NRCAM: variants seen among roughly 807,000 people sequenced by gnomAD.
NRCAM encodes NgCAM-related cell adhesion molecule.
A neutral mutation model predicts 156.5 loss-of-function variants in NRCAM; 83 were observed. The observed-to-expected ratio is 0.53, with a 90% CI of 0.44 to 0.64. The LOEUF is 0.64. Among genes scored for constraint, NRCAM ranks in the 30% least tolerant of loss-of-function variants. The pLI, the probability that NRCAM is intolerant of heterozygous loss-of-function variation, is 0.00. For missense variants in NRCAM, 1,417 were observed against 1,597.3 expected (o/e 0.89, Z 1.92); for synonymous variants, 538 against 563.9 (o/e 0.95, Z 0.65).
At chr7:108,187,954 CAA>C (rs369953785) in intron 20 of NRCAM, among the ~76,000 whole-genome samples, 2 of 141,318 alleles carry the variant, frequency 1.4e-5, no homozygotes, top group Admixed American at 1.4e-4. Flanking sequence ...GACTCCGTCT[CAA>C]AAAAAAAAGA....
chr7:108,158,112 T>C (rs2046639900), intron 32 of NRCAM, among the ~76,000 whole-genome samples: 1 of 152,138 alleles, frequency 6.6e-6, no homozygotes, highest in Non-Finnish European at 1.5e-5. Context: ...CGGGCTTCTG[T>C]AGGCTGCTCT....
chr7:108,399,836 G>A (rs1236083185), intron 1 of NRCAM, among the ~76,000 whole-genome samples: 6 of 152,136 alleles, frequency 3.9e-5, no homozygotes, highest in Admixed American at 6.5e-5. Context: ...ACATTGCAGT[G>A]TAGGACAGAA....
At chr7:108,180,474 A>C in intron 24 of NRCAM, 47 bp from the exon 25 acceptor site, 2 of 1,457,464 alleles carry the variant, frequency 1.4e-6, no homozygotes, top group Non-Finnish European at 1.9e-6. Context: ...GGAGCAAACA[A>C]GATTCCTTAT....
chr7:108,311,832 T>A (rs991386314), intron 3 of NRCAM, among the ~76,000 whole-genome samples: 1 of 152,240 alleles, frequency 6.6e-6, no homozygotes, highest in African/African-American at 2.4e-5. Flanking sequence ...AAATCTTGTA[T>A]ACAATCTTCT....
At chr7:108,216,280 C>T (rs936988016) in intron 11 of NRCAM, among the ~76,000 whole-genome samples, 6 of 152,260 alleles carry the variant, frequency 3.9e-5, no homozygotes, top group South Asian at 2.1e-4. Context: ...CCAAAAGATC[C>T]GCTGTTAGTC....
At chr7:108,409,083 C>T (rs1273808490) in intron 1 of NRCAM, among the ~76,000 whole-genome samples, 2 of 152,140 alleles carry the variant, frequency 1.3e-5, no homozygotes, top group Non-Finnish European at 2.9e-5. Flanking sequence ...TGTGGAGTCT[C>T]ACACGGCCCC....
intron 1 of NRCAM, among the ~76,000 whole-genome samples, chr7:108,446,705 T>A (rs141094719): frequency 6.6e-6 from 1 of 151,444 alleles, no homozygotes; most frequent in Non-Finnish European, 1.5e-5. Context: ...TACAATCGTA[T>A]GTTCTCTCTG....
intron 1 of NRCAM, among the ~76,000 whole-genome samples, chr7:108,446,732 C>CTT (rs67867919): frequency 0.58 from 82,994 of 144,118 alleles, 23,928 homozygotes; most frequent in African/African-American, 0.65. Flanking sequence ...CAACCTATGT[C>CTT]TTTTTTTTTT....
At chr7:108,355,998 G>C (rs1594878633) in intron 2 of NRCAM, among the ~76,000 whole-genome samples, 1 of 151,674 alleles carries the variant, frequency 6.6e-6, no homozygotes, top group African/African-American at 2.4e-5. Flanking sequence ...CTGGAGGATG[G>C]AGTGTAGTGG....
intron 2 of NRCAM, among the ~76,000 whole-genome samples, chr7:108,348,274 T>A (rs2052314): frequency 0.58 from 88,231 of 151,906 alleles, 26,083 homozygotes; most frequent in East Asian, 0.83. Flanking sequence ...GACACAGTGA[T>A]AAATTTCAGA....
At chr7:108,284,648 C>T (rs2098009561) in intron 3 of NRCAM, among the ~76,000 whole-genome samples, 1 of 152,178 alleles carries the variant, frequency 6.6e-6, no homozygotes, top group Admixed American at 6.5e-5. Flanking sequence ...CTTTTTGAGA[C>T]TCCCTGTTCT....
At chr7:108,263,103 G>A (rs1021930061) in intron 3 of NRCAM, among the ~76,000 whole-genome samples, 2 of 152,212 alleles carry the variant, frequency 1.3e-5, no homozygotes, top group African/African-American at 4.8e-5. Flanking sequence ...CTTGGTTAGA[G>A]TGAGTGTCTC....
chr7:108,272,860 G>A (rs561814627), intron 3 of NRCAM, among the ~76,000 whole-genome samples: 6 of 151,758 alleles, frequency 4.0e-5, no homozygotes, highest in African/African-American at 7.3e-5. Context: ...CTATCAACTC[G>A]TCATTTAAGT....
At chr7:108,246,258 G>C (rs1489917645) in intron 3 of NRCAM, among the ~76,000 whole-genome samples, 1 of 152,080 alleles carries the variant, frequency 6.6e-6, no homozygotes, top group Non-Finnish European at 1.5e-5. Context: ...CTTCTGCATT[G>C]ACCTCATCAC....
intron 2 of NRCAM, among the ~76,000 whole-genome samples, chr7:108,368,215 C>T (rs1431112957): frequency 1.2e-5 from 1 of 83,568 alleles, no homozygotes; most frequent in East Asian, 5.1e-4. Flanking sequence ...CGTGGAATCA[C>T]ACTTTCATAC....
At chr7:108,424,834 T>C (rs575393380) in intron 1 of NRCAM, among the ~76,000 whole-genome samples, 4 of 152,312 alleles carry the variant, frequency 2.6e-5, no homozygotes, top group African/African-American at 9.6e-5. Flanking sequence ...CAATGTCTAA[T>C]AGAATATATA....
In NRCAM at chr7:108,184,576, C is replaced by A. The variant is rs530421155; in HGVS notation, c.2074G>T (p.Gly692Trp). The change falls in exon 21 of 33, where the codon GGG becomes TGG. Residue 692 changes from glycine to tryptophan, a missense_variant. Gly to Trp is a radical substitution (Grantham distance 184). Transcript: ENST00000379028. ...ACTTCAGTTTGGTGGTGCCACAGCC[C>A]TGGCTTGTGCATTGCATCTTCATAT... ...IEYEDAMHKP[G>W]LWHHQTEVSG... 1.1e-4 allele frequency: 175 copies of A among 1,613,548 alleles called. No individual in the cohort carries two copies. The highest frequency in any genetic ancestry group is 1.4e-4 in the Non-Finnish European group (162 of 1,180,038).
intron 28 of NRCAM, among the ~76,000 whole-genome samples, chr7:108,168,699 T>A (rs1033615945): frequency 6.6e-6 from 1 of 152,176 alleles, no homozygotes; most frequent in African/African-American, 2.4e-5. Context: ...CCGGGAAATG[T>A]CACCGTCTTC....
At chr7:108,168,798 C>A (rs1226355499) in intron 28 of NRCAM, among the ~76,000 whole-genome samples, 1 of 152,148 alleles carries the variant, frequency 6.6e-6, no homozygotes, top group Non-Finnish European at 1.5e-5. Context: ...AAGGTAAAAC[C>A]CAATACTATG....
Sources: allele counts gnomAD v4.1 joint callset (sites outside exome capture counted in the v4.1 genomes callset), GRCh38; gene constraint gnomAD v4.1.1; transcripts MANE v1.5; gene names NCBI Gene and HGNC (gene_info 2026-07-23, HGNC 2026-07-21).